Variants in IQSEC1 observed in about 807,000 individuals in gnomAD.
IQSEC1 encodes the protein IQ motif and Sec7 domain ArfGEF 1.
Under a neutral mutation model 91.0 loss-of-function variants are expected in IQSEC1, and 31 were observed. The observed-to-expected ratio is 0.34, with a 90% CI of 0.26 to 0.46. The LOEUF (loss-of-function observed/expected upper bound fraction) is 0.46. Ranked by LOEUF, IQSEC1 falls within the 20% of genes least tolerant of loss-of-function variation. The pLI is 1.00. For synonymous variants in IQSEC1, 699 were observed against 662.6 expected, an observed-to-expected ratio of 1.05 and a Z score of -0.84; for missense variants, 1,388 against 1,575.6, an observed-to-expected ratio of 0.88 and a Z score of 2.02.
chr3:13,044,221 C>G (rs925394159), intron 1 of IQSEC1, among the ~76,000 whole-genome samples: 1 of 152,202 alleles, frequency 6.6e-6, no homozygotes, highest in Non-Finnish European at 1.5e-5. Flanking sequence ...GTCATCCCCC[C>G]ACCCCCAGGG....
intron 9 of IQSEC1, among the ~76,000 whole-genome samples, chr3:12,912,620 C>T (rs975725770): frequency 7.6e-5 from 11 of 144,660 alleles, no homozygotes; most frequent in East Asian, 2.2e-4. Flanking sequence ...GCCGAGATTG[C>T]GCCACTGCAG....
chr3:13,246,970 C>T (rs142887020), intron 1 of IQSEC1, among the ~76,000 whole-genome samples: 3 of 152,286 alleles, frequency 2.0e-5, no homozygotes, highest in Non-Finnish European at 4.4e-5. Context: ...GGAACGCTGG[C>T]CTGTTTGCCT....
In IQSEC1 at chr3:12,924,363, G is replaced by T. The variant is rs1696922450; in HGVS notation, c.1730+218C>A. ...GGCGGACAGGCAGTGGGGTTCGCAT[G>T]TGGGATGGTGCATTGGAGGGCAGGT... is the stretch of plus-strand genomic sequence containing the variant. On this transcript the variant is annotated intron_variant, in intron 4 of 13. Transcript: ENST00000613206. This position sits in a 1 kb window ranked among gnomAD's most constrained non-coding sequence, Gnocchi z 6.3. 6.6e-6 allele frequency among the ~76,000 whole-genome samples: 1 copy of T among 152,176 alleles called. No homozygotes were observed. Among genetic ancestry groups the T allele is most frequent in the South Asian group, 2.1e-4 (1 of 4,830 alleles).
intron 1 of IQSEC1, among the ~76,000 whole-genome samples, chr3:13,175,645 G>A (rs1693712922): frequency 6.6e-6 from 1 of 152,242 alleles, no homozygotes; most frequent in South Asian, 2.1e-4. Flanking sequence ...TAACAAAAAT[G>A]CCATACGCTG....
rs1452651930 is a variant in IQSEC1 at position 12,908,895 on chromosome 3, C to T, written c.2579-370G>A. Among the ~76,000 whole-genome samples the T allele has an allele frequency of 6.6e-6, 1 of 151,866 alleles. No individual in the cohort carries two copies. Among genetic ancestry groups the T allele is most frequent in the Middle Eastern group, 3.2e-3 (1 of 314 alleles). ...GTGCCTCCAAGGAGTAGACCTGGAG[C>T]CAGGGAGTAGACCTGGAGCCAGGGA... is the stretch of plus-strand genomic sequence containing the variant. On this transcript the variant is annotated intron_variant, in intron 11 of 13. Coordinates refer to ENST00000613206, the MANE Select transcript of IQSEC1 (RefSeq NM_001134382.3). The surrounding 1 kb of genome is among the most constrained non-coding windows in gnomAD (Gnocchi z 4.9).
chr3:13,040,881 G>A (rs985500271), intron 1 of IQSEC1, among the ~76,000 whole-genome samples: 2 of 152,134 alleles, frequency 1.3e-5, no homozygotes, highest in Non-Finnish European at 2.9e-5. Context: ...CTCTGACCGC[G>A]ACTCATGCCT....
intron 1 of IQSEC1, among the ~76,000 whole-genome samples, chr3:13,263,604 G>A (rs565203968): frequency 2.3e-4 from 35 of 152,172 alleles, no homozygotes; most frequent in Non-Finnish European, 4.0e-4. Flanking sequence ...CACCACGCCC[G>A]ACTAATTTTT....
At chr3:13,184,776 A>G (rs2125023569) in intron 1 of IQSEC1, among the ~76,000 whole-genome samples, 1 of 152,330 alleles carries the variant, frequency 6.6e-6, no homozygotes, top group Middle Eastern at 3.4e-3. Flanking sequence ...AGTGAACACA[A>G]TTCCATCGTT....
chr3:13,260,702 G>C (rs1259756353), intron 1 of IQSEC1, among the ~76,000 whole-genome samples: 1 of 152,222 alleles, frequency 6.6e-6, no homozygotes, highest in Non-Finnish European at 1.5e-5. Flanking sequence ...AGGACACAGA[G>C]ACCACGATGG....
intron 1 of IQSEC1, among the ~76,000 whole-genome samples, chr3:12,981,716 A>G (rs1701472206): frequency 6.6e-6 from 1 of 152,196 alleles, no homozygotes; most frequent in South Asian, 2.1e-4. Context: ...TCTCATATAT[A>G]CATGCTAATG....
At chr3:13,265,128 CA>C (rs1695465794) in intron 1 of IQSEC1, among the ~76,000 whole-genome samples, 1 of 152,204 alleles carries the variant, frequency 6.6e-6, no homozygotes, top group Non-Finnish European at 1.5e-5. Context: ...TCAACCTGTC[CA>C]AGTGAATCAA....
Position 13,103,962 on chromosome 3 carries a change from G to A in IQSEC1, c.303-56440C>T, listed in dbSNP as rs927737777. Among the ~76,000 whole-genome samples the A allele has an allele frequency of 6.6e-6, 1 of 152,170 alleles. No homozygotes were observed. Among genetic ancestry groups the A allele is most frequent in the South Asian group, 2.1e-4 (1 of 4,824 alleles). ...GCACTCCCTGAGGTGGGTGCTACTA[G>A]TATCTTCATTTTATAGATGGGAAAA... On this transcript the variant is annotated intron_variant, in intron 2 of 15. Transcript: ENST00000648114. The surrounding 1 kb of genome is among the most constrained non-coding windows in gnomAD (Gnocchi z 4.1).
Position 13,086,532 on chromosome 3 carries a change from T to C in IQSEC1, c.303-39010A>G, listed in dbSNP as rs76610252. 2.6e-3 allele frequency among the ~76,000 whole-genome samples: 397 copies of C among 152,302 alleles called. 6 individuals carry two copies. Among genetic ancestry groups the C allele is most frequent in the Middle Eastern group, 0.014 (4 of 294 alleles). On this transcript the variant is annotated intron_variant, in intron 2 of 15. Coordinates refer to the IQSEC1 transcript ENST00000648114. Reference sequence around the variant, plus strand: ...CCTGGTTGGAGCCACTGCCTATTTCTGTATTGCGGTGTATCGTGGTAAATG... The same window carrying C: ...CCTGGTTGGAGCCACTGCCTATTTCCGTATTGCGGTGTATCGTGGTAAATG...
chr3:12,913,512 C>A lies in IQSEC1; in HGVS notation c.2232G>T (p.Arg744=), dbSNP rs1313604876. 1 of 1,607,542 alleles carries A rather than the reference C, an allele frequency of 6.2e-7. No individual in the cohort carries two copies. The highest frequency in any genetic ancestry group is 8.5e-7 in the Non-Finnish European group (1 of 1,175,926). The change falls in exon 9 of 14, where the codon CGG becomes CGT. Residue 744 remains arginine (R), a synonymous_variant. Coordinates refer to ENST00000613206, the MANE Select transcript of IQSEC1 (RefSeq NM_001134382.3). ...LPHRRLVCYC[R]LFEVPDPNKP... ...TGTTTGGGTCTGGAACCTCAAAGAG[C>A]CGGCAGTAGCAGACCAACCGACGGT...
intron 1 of IQSEC1, among the ~76,000 whole-genome samples, chr3:13,178,145 C>T (rs1203837897): frequency 3.9e-5 from 6 of 152,218 alleles, no homozygotes; most frequent in Admixed American, 1.3e-4. Context: ...CCAGACTACC[C>T]GAGTCCCGGG....
chr3:13,065,679 C>T (rs1170328401), intron 1 of IQSEC1, among the ~76,000 whole-genome samples: 3 of 152,198 alleles, frequency 2.0e-5, no homozygotes, highest in African/African-American at 7.2e-5. Context: ...AGTATGGCGG[C>T]TCTTCAAAAC....
intron 1 of IQSEC1, among the ~76,000 whole-genome samples, chr3:13,049,046 A>G (rs1049679519): frequency 6.6e-6 from 1 of 152,118 alleles, no homozygotes; most frequent in Non-Finnish European, 1.5e-5. Context: ...CCTGTGCCCA[A>G]TCTGGGATGG....
chr3:13,021,511 T>C (rs114948989), intron 1 of IQSEC1, among the ~76,000 whole-genome samples: 5,536 of 152,244 alleles, frequency 0.036, 148 homozygotes, highest in Middle Eastern at 0.054. Flanking sequence ...GATCTGCAGA[T>C]GGGAAACTTT....
intron 2 of IQSEC1, among the ~76,000 whole-genome samples, chr3:13,116,144 C>T (rs1170308897): frequency 3.3e-5 from 5 of 152,202 alleles, no homozygotes; most frequent in African/African-American, 1.2e-4. Flanking sequence ...TGGAAGTCCT[C>T]CCAGCTCCCT....
Sources: allele counts gnomAD v4.1 joint callset (sites outside exome capture counted in the v4.1 genomes callset), GRCh38; gene constraint gnomAD v4.1.1; non-coding constraint Gnocchi (gnomAD v3.1); transcripts MANE v1.5; gene names NCBI Gene and HGNC (gene_info 2026-07-23, HGNC 2026-07-21).